The following FRMD3 variants were observed in gnomAD, a reference collection of about 807,000 sequenced individuals.
FRMD3 encodes the protein FERM domain-containing protein 3.
Under a neutral mutation model 70.2 loss-of-function variants are expected in FRMD3, and 33 were observed. That is an observed-to-expected ratio of 0.47 (90% CI 0.36 to 0.63). The LOEUF (loss-of-function observed/expected upper bound fraction) is 0.63, where lower values mean the gene tolerates loss of function less well. Ranked by LOEUF, FRMD3 falls within the 20% of genes least tolerant of loss-of-function variation. FRMD3 has a pLI of 0.00. For synonymous variants in FRMD3, 279 were observed against 255.9 expected, an observed-to-expected ratio of 1.09 and a Z score of -0.86; for missense variants, 632 against 711.4, an observed-to-expected ratio of 0.89 and a Z score of 1.27.
chr9:83,583,394 T>C, the FRMD3 span, among the ~76,000 whole-genome samples: 1 of 152,118 alleles, frequency 6.6e-6, no homozygotes, highest in South Asian at 2.1e-4. Flanking sequence ...CAATTTGTAA[T>C]GCAAAAGCCT....
intron 1 of FRMD3, among the ~76,000 whole-genome samples, chr9:83,500,642 T>C (rs1327874488): frequency 1.1e-4 from 17 of 152,158 alleles, no homozygotes. Flanking sequence ...CTTCTCTTCA[T>C]CTCTAGCACT....
chr9:83,384,456 G>A (rs551306298), intron 2 of FRMD3, among the ~76,000 whole-genome samples: 216 of 152,174 alleles, frequency 1.4e-3, no homozygotes, highest in African/African-American at 3.8e-3. Flanking sequence ...TCCATTCCAC[G>A]TCCTCCCCAA....
upstream of FRMD3, among the ~76,000 whole-genome samples, chr9:83,541,226 C>T (rs1177464811): frequency 6.6e-6 from 1 of 152,104 alleles, no homozygotes; most frequent in Non-Finnish European, 1.5e-5. Context: ...ATAAAGTCAA[C>T]CCCAAGAAGA....
chr9:83,256,754 T>TG (rs1445171741), intron 13 of FRMD3, among the ~76,000 whole-genome samples: 1 of 150,606 alleles, frequency 6.6e-6, no homozygotes, highest in East Asian at 1.9e-4. Context: ...AACAAACATA[T>TG]GAAAAAAAAA....
the FRMD3 span, among the ~76,000 whole-genome samples, chr9:83,566,109 AAAG>A: frequency 6.6e-6 from 1 of 152,336 alleles, no homozygotes; most frequent in African/African-American, 2.4e-5. Context: ...CTGAGAAGAA[AAAG>A]AAGTTTAATT....
chr9:83,250,692 G>C (rs958013385), intron 13 of FRMD3, among the ~76,000 whole-genome samples: 1 of 152,222 alleles, frequency 6.6e-6, no homozygotes, highest in African/African-American at 2.4e-5. Context: ...AACAGAGATA[G>C]ACCAGAAGAG....
intron 4 of FRMD3, among the ~76,000 whole-genome samples, chr9:83,344,842 T>C (rs917244539): frequency 4.6e-5 from 7 of 151,896 alleles, no homozygotes; most frequent in African/African-American, 1.7e-4. Flanking sequence ...TGTGTGTGTG[T>C]GTGTGTGTGT....
At chr9:83,549,331 C>G in the FRMD3 span, among the ~76,000 whole-genome samples, 1 of 152,216 alleles carries the variant, frequency 6.6e-6, no homozygotes. Context: ...GTATGTTCCA[C>G]ATTTTGTTTA....
intron 1 of FRMD3, among the ~76,000 whole-genome samples, chr9:83,493,671 C>A (rs1430726977): frequency 6.6e-6 from 1 of 152,218 alleles, no homozygotes; most frequent in Non-Finnish European, 1.5e-5. Context: ...TTGTGAGTTT[C>A]CAAGACAGGG....
rs552894554 is a variant in FRMD3, at chr9:83,459,793, A to T, written c.148-70085T>A. ...AAATATGACAGACTGGGTGGCTCAA[A>T]CAGCAGAAATTTACTTTCTCACAGT... is the stretch of plus-strand genomic sequence containing the variant. On this transcript the variant is annotated intron_variant, in intron 1 of 13. Coordinates refer to ENST00000304195, the MANE Select transcript of FRMD3 (RefSeq NM_174938.6). 4.4e-3 allele frequency among the ~76,000 whole-genome samples: 678 copies of T among 152,362 alleles called. 5 individuals are homozygous for T. The highest frequency in any genetic ancestry group is 7.5e-3 in the Non-Finnish European group (508 of 68,034).
At chr9:83,449,567 G>A (rs1827580566) in intron 1 of FRMD3, among the ~76,000 whole-genome samples, 1 of 152,180 alleles carries the variant, frequency 6.6e-6, no homozygotes, top group Non-Finnish European at 1.5e-5. Context: ...GCTGGGTCCA[G>A]AACCCAGGCC....
intron 1 of FRMD3, among the ~76,000 whole-genome samples, chr9:83,518,856 A>G (rs1388147989): frequency 6.6e-6 from 1 of 152,240 alleles, no homozygotes; most frequent in South Asian, 2.1e-4. Flanking sequence ...CAACCATCTG[A>G]TCTTTGACAA....
chr9:83,583,655 C>A, the FRMD3 span, among the ~76,000 whole-genome samples: 4 of 152,136 alleles, frequency 2.6e-5, no homozygotes, highest in Non-Finnish European at 5.9e-5. Context: ...GTAGCCCAGG[C>A]CGGAGTGTGG....
chr9:83,339,098 G>A (rs950106498), intron 5 of FRMD3, among the ~76,000 whole-genome samples: 18 of 152,226 alleles, frequency 1.2e-4, no homozygotes, highest in African/African-American at 4.3e-4. Context: ...TTTTCAGGGT[G>A]CCCTTTTCTT....
At chr9:83,374,345 G>C (rs1587788377) in intron 2 of FRMD3, among the ~76,000 whole-genome samples, 1 of 151,736 alleles carries the variant, frequency 6.6e-6, no homozygotes, top group African/African-American at 2.4e-5. Flanking sequence ...ACAATAATGG[G>C]AGTCTTATAA....
At chr9:83,415,599 C>A (rs572709216) in intron 1 of FRMD3, among the ~76,000 whole-genome samples, 2 of 148,836 alleles carry the variant, frequency 1.3e-5, no homozygotes. Flanking sequence ...CCCACCACCA[C>A]GACTGACTAA....
chr9:83,539,918 C>G (rs947248624), upstream of FRMD3, among the ~76,000 whole-genome samples: 1 of 152,194 alleles, frequency 6.6e-6, no homozygotes, highest in African/African-American at 2.4e-5. Context: ...TGAGCTGGGC[C>G]CTTCAAATGT....
At chr9:83,420,692 G>A (rs1826607618) in intron 1 of FRMD3, among the ~76,000 whole-genome samples, 1 of 152,122 alleles carries the variant, frequency 6.6e-6, no homozygotes, top group Non-Finnish European at 1.5e-5. Context: ...TGAGTCATGG[G>A]GATAGATCCC....
chr9:83,572,937 G>A, the FRMD3 span, among the ~76,000 whole-genome samples: 3 of 152,054 alleles, frequency 2.0e-5, no homozygotes, highest in Non-Finnish European at 4.4e-5. Context: ...AATTTTAAAG[G>A]CTGTGACCAT....
Sources: allele counts gnomAD v4.1 joint callset (sites outside exome capture counted in the v4.1 genomes callset), GRCh38; gene constraint gnomAD v4.1.1; transcripts MANE v1.5; gene names NCBI Gene and HGNC (gene_info 2026-07-23, HGNC 2026-07-21).